The following DOCK5 variants were observed in gnomAD, a reference collection of about 807,000 sequenced individuals.
DOCK5 encodes the protein dedicator of cytokinesis 5.
Under a neutral mutation model 251.8 loss-of-function variants are expected in DOCK5, and 142 were observed. The ratio of observed to expected loss-of-function variants is 0.56; its 90% CI spans 0.49 to 0.65. The LOEUF (loss-of-function observed/expected upper bound fraction) is 0.65, where lower values mean the gene tolerates loss of function less well. DOCK5 is among the 30% of genes least tolerant of loss of function. The pLI is 0.00. For synonymous variants in DOCK5, 842 were observed against 835.5 expected (o/e 1.01, Z -0.13); for missense variants, 2,111 against 2,312.3 (o/e 0.91, Z 1.79).
rs959457974 is a variant in DOCK5, at chr8:25,325,433, G to A, written c.1789G>A (p.Glu597Lys). ...GCCTGGAACCAAGATGGAGATGGAA[G>A]AAAAAGAGCTTCAAGCATCCAAAAA... is the stretch of plus-strand genomic sequence containing the variant. Reference protein sequence around the residue: ...TLPGTKMEMEEKELQASKNLV... With the variant: ...TLPGTKMEMEKKELQASKNLV... The change falls in exon 18 of 52, where the codon GAA (glutamate) becomes AAA (lysine). Residue 597 changes from glutamate to lysine, a missense_variant. Glu to Lys is a moderately conservative substitution (Grantham distance 56, BLOSUM62 1). Coordinates refer to ENST00000276440, the MANE Select transcript of DOCK5 (RefSeq NM_024940.8). 3.1e-6 allele frequency: 5 copies of A among 1,613,832 alleles called. No individual in the cohort carries two copies. In the African/African-American group the frequency reaches 5.3e-5, roughly 17 times the overall value.
At chr8:25,192,791 C>T (rs1166884151) in intron 1 of DOCK5, among the ~76,000 whole-genome samples, 1 of 152,116 alleles carries the variant, frequency 6.6e-6, no homozygotes, top group East Asian at 1.9e-4. Flanking sequence ...GGATTACAGG[C>T]GCCAGCTACC....
rs1047440493 is a variant in DOCK5 at position 25,380,224 on chromosome 8, A to G, written c.3937-81A>G. ...TCCCCCAGACCACTTGCTCATTCCCAGTGACTCGCCAGTGGCTTTTGCCAC... is the reference window on the plus strand; with the variant it reads ...TCCCCCAGACCACTTGCTCATTCCCGGTGACTCGCCAGTGGCTTTTGCCAC... On this transcript the variant is annotated intron_variant, in intron 38 of 51. Transcript: ENST00000276440. 29 of 1,285,480 alleles carry G rather than the reference A, an allele frequency of 2.3e-5. No homozygotes were observed. In the African/African-American group the frequency reaches 4.0e-4, roughly 18 times the overall value. The allele number at this position is 1,285,480 out of a possible 1,614,324, so 79.6% of individuals were successfully genotyped here. A position where few individuals can be genotyped will look rare whatever the true frequency, so the allele number is the denominator to read the frequency against.
intron 28 of DOCK5, among the ~76,000 whole-genome samples, chr8:25,361,332 G>A (rs1032014064): frequency 1.3e-5 from 2 of 152,148 alleles, no homozygotes; most frequent in Non-Finnish European, 2.9e-5. Flanking sequence ...TAATGAGGCC[G>A]GATGTGGTGA....
intron 20 of DOCK5, among the ~76,000 whole-genome samples, chr8:25,333,509 G>A (rs1032827710): frequency 1.3e-5 from 2 of 152,204 alleles, no homozygotes; most frequent in Non-Finnish European, 1.5e-5. Context: ...TCTGGAAACA[G>A]ATTCCTGAGG....
At chr8:25,236,660 A>G (rs1438829203) in intron 1 of DOCK5, among the ~76,000 whole-genome samples, 1 of 152,094 alleles carries the variant, frequency 6.6e-6, no homozygotes, top group Non-Finnish European at 1.5e-5. Context: ...GGCTCACTGC[A>G]GCCTCCGCCT....
At chr8:25,382,816 G>A (rs1313026223) in intron 40 of DOCK5, 38 bp downstream of exon 40, 1 of 1,516,890 alleles carries the variant, frequency 6.6e-7, no homozygotes, top group Non-Finnish European at 9.1e-7. Context: ...GCCATTAGGA[G>A]GAGGGAAGAG....
chr8:25,215,133 G>T (rs147998238), intron 1 of DOCK5, among the ~76,000 whole-genome samples: 1 of 152,152 alleles, frequency 6.6e-6, no homozygotes, highest in Non-Finnish European at 1.5e-5. Context: ...TCCAGCCCCC[G>T]TTGGGATATG....
chr8:25,229,569 T>C (rs1353004839), intron 1 of DOCK5, among the ~76,000 whole-genome samples: 1 of 152,174 alleles, frequency 6.6e-6, no homozygotes, highest in African/African-American at 2.4e-5. Flanking sequence ...TTCTTCAGAC[T>C]GGAAGAAGAA....
At chr8:25,341,363 T>A (rs537434244) in intron 23 of DOCK5, among the ~76,000 whole-genome samples, 174 of 152,214 alleles carry the variant, frequency 1.1e-3, no homozygotes, top group Non-Finnish European at 1.9e-3. Flanking sequence ...CATAATTTTT[T>A]TAAAAAATAT....
intron 1 of DOCK5, among the ~76,000 whole-genome samples, chr8:25,201,261 T>C (rs1177651124): frequency 1.3e-5 from 2 of 152,228 alleles, no homozygotes; most frequent in Non-Finnish European, 2.9e-5. Context: ...GTCTCCTCTC[T>C]CTGTTTGAAG....
chr8:25,406,916 G>A (rs1041552577), intron 48 of DOCK5, among the ~76,000 whole-genome samples: 3 of 151,948 alleles, frequency 2.0e-5, no homozygotes, highest in African/African-American at 4.8e-5. Context: ...GTGAGCCACC[G>A]TGCCTGGCTG....
Position 25,298,927 on chromosome 8 carries a change from G to A in DOCK5, c.607-17G>A. The A allele has an allele frequency of 6.3e-7, 1 of 1,578,534 alleles. No homozygotes were observed. The highest frequency in any genetic ancestry group is 8.6e-7 in the Non-Finnish European group (1 of 1,165,276). On this transcript the variant is annotated splice_polypyrimidine_tract_variant and intron_variant, in intron 7 of 51. Transcript: ENST00000276440. ...TGCCAAAATCAAGATGTTTTTCTCT[G>A]TTCCCTCTTTGTTCAGTCAATCCTG...
intron 47 of DOCK5, among the ~76,000 whole-genome samples, chr8:25,401,522 C>CA (rs1338478708): frequency 6.6e-6 from 1 of 152,148 alleles, no homozygotes; most frequent in Non-Finnish European, 1.5e-5. Flanking sequence ...CACTTGTGGT[C>CA]AGGAGTTCGA....
intron 22 of DOCK5, among the ~76,000 whole-genome samples, chr8:25,339,519 C>T (rs73560499): frequency 0.037 from 5,630 of 152,102 alleles, 351 homozygotes; most frequent in African/African-American, 0.13. Context: ...GTGGAACCAG[C>T]AGGGAAGGCT....
chr8:25,219,972 G>A (rs1802340023), intron 1 of DOCK5, among the ~76,000 whole-genome samples: 1 of 151,154 alleles, frequency 6.6e-6, no homozygotes, highest in Non-Finnish European at 1.5e-5. Context: ...TCTAACAGAT[G>A]TTGGTCTTTG....
chr8:25,243,332 C>CT (rs539379147), intron 1 of DOCK5, among the ~76,000 whole-genome samples: 2,342 of 138,622 alleles, frequency 0.017, 57 homozygotes, highest in African/African-American at 0.053. Context: ...GACATGCATT[C>CT]TTTTTTTTTT....
In DOCK5 at chr8:25,412,058, T is replaced by G. The variant is rs1417971189; in HGVS notation, c.*760T>G. On this transcript the variant is annotated 3_prime_UTR_variant, in exon 52 of 52. Coordinates refer to ENST00000276440, the MANE Select transcript of DOCK5 (RefSeq NM_024940.8). Reference sequence around the variant, plus strand: ...CCTTCCCTACGGACTTCTTTGAAGCTCTTCCTTTTGCACATACGGCTTTTT... The same window carrying G: ...CCTTCCCTACGGACTTCTTTGAAGCGCTTCCTTTTGCACATACGGCTTTTT... The G allele has an allele frequency of 6.8e-6, 1 of 147,000 alleles. No homozygotes were observed. The highest frequency in any genetic ancestry group is 2.5e-5 in the African/African-American group (1 of 40,218). The allele number at this position is 147,000 out of a possible 1,614,324, so 9.1% of individuals were successfully genotyped here. A position where few individuals can be genotyped will look rare whatever the true frequency, so the allele number is the denominator to read the frequency against.
chr8:25,208,151 G>C (rs1802047455), intron 1 of DOCK5, among the ~76,000 whole-genome samples: 1 of 152,212 alleles, frequency 6.6e-6, no homozygotes, highest in Non-Finnish European at 1.5e-5. Context: ...GCAATCTCTT[G>C]ATAAAACTTG....
intron 21 of DOCK5, among the ~76,000 whole-genome samples, chr8:25,335,102 C>T (rs1241014672): frequency 1.3e-5 from 2 of 152,190 alleles, no homozygotes; most frequent in African/African-American, 2.4e-5. Flanking sequence ...CCACCCGTTG[C>T]CTTCCAGTTA....
Sources: gnomAD v4.1 joint callset for allele counts (sites outside exome capture counted in the v4.1 genomes callset) on GRCh38, gnomAD v4.1.1 for gene constraint, MANE v1.5 for transcripts, NCBI Gene and HGNC (gene_info 2026-07-23, HGNC 2026-07-21) for gene names.